The following KCNT2 variants were observed in gnomAD, a reference collection of about 807,000 sequenced individuals.
The protein encoded by KCNT2 is potassium channel subfamily T member 2.
KCNT2 carries 67 observed loss-of-function variants against 153.8 expected under a neutral mutation model. That is an observed-to-expected ratio of 0.44 (90% CI 0.36 to 0.53). The LOEUF (loss-of-function observed/expected upper bound fraction) is 0.53, where lower values mean the gene tolerates loss of function less well. Among genes scored for constraint, KCNT2 ranks in the 20% least tolerant of loss-of-function variants. The pLI, the probability that KCNT2 is intolerant of heterozygous loss-of-function variation, is 0.00. For synonymous variants in KCNT2, 500 were observed against 458.8 expected, an observed-to-expected ratio of 1.09 and a Z score of -1.15; for missense variants, 975 against 1,354.8, an observed-to-expected ratio of 0.72 and a Z score of 4.40.
At chr1:196,445,619 G>T (rs1254059126) in intron 8 of KCNT2, among the ~76,000 whole-genome samples, 1 of 151,384 alleles carries the variant, frequency 6.6e-6, no homozygotes, top group Non-Finnish European at 1.5e-5. Flanking sequence ...GAGAAACTTT[G>T]TCATAATGAT....
intron 1 of KCNT2, among the ~76,000 whole-genome samples, chr1:196,522,334 A>G (rs1653548857): frequency 6.6e-6 from 1 of 152,212 alleles, no homozygotes; most frequent in South Asian, 2.1e-4. Context: ...AAGATAATAC[A>G]TATGTGAAAA....
chr1:196,507,102 T>C (rs557835801), intron 1 of KCNT2, among the ~76,000 whole-genome samples: 52 of 152,260 alleles, frequency 3.4e-4, no homozygotes, highest in East Asian at 5.8e-4. Flanking sequence ...TTTAAATATA[T>C]GCATATGTCA....
At chr1:196,516,842 C>T (rs1411494005) in intron 1 of KCNT2, among the ~76,000 whole-genome samples, 1 of 152,100 alleles carries the variant, frequency 6.6e-6, no homozygotes, top group East Asian at 1.9e-4. Flanking sequence ...CTGAAAAATC[C>T]AAGGTGACTA....
intron 1 of KCNT2, among the ~76,000 whole-genome samples, chr1:196,539,463 T>A (rs892301588): frequency 2.6e-5 from 4 of 152,188 alleles, no homozygotes; most frequent in African/African-American, 9.6e-5. Flanking sequence ...TATATTACAC[T>A]TTATGCACAA....
At chr1:196,466,825 C>G (rs771411456) in intron 7 of KCNT2, among the ~76,000 whole-genome samples, 1 of 151,946 alleles carries the variant, frequency 6.6e-6, no homozygotes, top group Admixed American at 6.6e-5. Flanking sequence ...TTACAGCTAG[C>G]TTTGAAGTAC....
chr1:196,258,517 T>A, intron 25 of KCNT2, 23 bp from the exon 26 acceptor site: 3 of 1,344,516 alleles, frequency 2.2e-6, no homozygotes, highest in Non-Finnish European at 3.1e-6. Context: ...TAGATATTGA[T>A]AATTAGATAC....
At chr1:196,411,059 C>CTCCTTCCTTCCTTCCT (rs147825662) in intron 12 of KCNT2, among the ~76,000 whole-genome samples, 1 of 94,994 alleles carries the variant, frequency 1.1e-5, no homozygotes, top group African/African-American at 4.8e-5. Context: ...CCTCTATTCC[C>CTCCTTCCTTCCTTCCT]TCCTTCCTTC....
At chr1:196,244,571 C>T (rs1364678575) in intron 26 of KCNT2, among the ~76,000 whole-genome samples, 5 of 152,116 alleles carry the variant, frequency 3.3e-5, no homozygotes, top group Non-Finnish European at 7.4e-5. Context: ...TAGTACCCAA[C>T]ATTGGCCTGG....
At chr1:196,319,710 A>G (rs555369127) in intron 19 of KCNT2, among the ~76,000 whole-genome samples, 155 bp from the exon 20 acceptor site, 1 of 151,934 alleles carries the variant, frequency 6.6e-6, no homozygotes, top group Admixed American at 6.6e-5. Flanking sequence ...CATTAACTAG[A>G]AAATGTCATT....
At chr1:196,593,110 C>G (rs548310031) in intron 1 of KCNT2, among the ~76,000 whole-genome samples, 10 of 150,632 alleles carry the variant, frequency 6.6e-5, no homozygotes, top group African/African-American at 2.2e-4. Context: ...CAAAGTCCAT[C>G]TATCATTCTT....
At chr1:196,561,080 CA>C (rs962158230) in intron 1 of KCNT2, among the ~76,000 whole-genome samples, 1 of 151,680 alleles carries the variant, frequency 6.6e-6, no homozygotes, top group African/African-American at 2.4e-5. Context: ...TGATGAATTA[CA>C]TATTTCAAAA....
At chr1:196,594,880 C>A (rs113265967) in intron 1 of KCNT2, among the ~76,000 whole-genome samples, 128 of 152,020 alleles carry the variant, frequency 8.4e-4, no homozygotes, top group African/African-American at 3.0e-3. Context: ...GGAAGAAAAG[C>A]CAATTAATAA....
intron 1 of KCNT2, among the ~76,000 whole-genome samples, chr1:196,502,924 T>C (rs984622703): frequency 6.6e-6 from 1 of 151,950 alleles, no homozygotes; most frequent in Non-Finnish European, 1.5e-5. Flanking sequence ...CATTCGTAAA[T>C]TGCAAAGAGA....
intron 13 of KCNT2, among the ~76,000 whole-genome samples, chr1:196,376,842 G>T (rs1669007830): frequency 6.6e-6 from 1 of 151,852 alleles, no homozygotes; most frequent in South Asian, 2.1e-4. Flanking sequence ...TTTCCCTATT[G>T]CCCACAAACC....
At chr1:196,419,156 T>C (rs1210970844) in intron 12 of KCNT2, among the ~76,000 whole-genome samples, 2 of 151,650 alleles carry the variant, frequency 1.3e-5, no homozygotes, top group African/African-American at 4.8e-5. Context: ...TTCTTTTTTT[T>C]AATTTTTAAT....
intron 14 of KCNT2, among the ~76,000 whole-genome samples, chr1:196,345,631 T>C (rs1666077004): frequency 6.6e-6 from 1 of 152,142 alleles, no homozygotes; most frequent in Non-Finnish European, 1.5e-5. Context: ...CCTCTGGTCA[T>C]TGTGTTGAAA....
intron 12 of KCNT2, among the ~76,000 whole-genome samples, chr1:196,420,858 A>G (rs1673142123): frequency 6.6e-6 from 1 of 152,048 alleles, no homozygotes; most frequent in African/African-American, 2.4e-5. Flanking sequence ...GTATCCCTGG[A>G]TCAAATTCTC....
chr1:196,423,342 C>A (rs957532615), intron 11 of KCNT2, among the ~76,000 whole-genome samples: 4 of 151,624 alleles, frequency 2.6e-5, no homozygotes, highest in African/African-American at 9.7e-5. Context: ...TGTTTTATGA[C>A]AAAAGTTAAT....
At chr1:196,461,573 T>C (rs1677156440) in intron 8 of KCNT2, among the ~76,000 whole-genome samples, 1 of 151,810 alleles carries the variant, frequency 6.6e-6, no homozygotes, top group Non-Finnish European at 1.5e-5. Context: ...ATGATAGTGC[T>C]TATTATTGGT....
Sources: allele counts gnomAD v4.1 joint callset (sites outside exome capture counted in the v4.1 genomes callset), GRCh38; gene constraint gnomAD v4.1.1; transcripts MANE v1.5; gene names NCBI Gene and HGNC (gene_info 2026-07-23, HGNC 2026-07-21).